Variants in TOPAZ1 observed in about 807,000 individuals in gnomAD.
The protein encoded by TOPAZ1 is protein TOPAZ1.
TOPAZ1 carries 66 observed loss-of-function variants against 172.2 expected under a neutral mutation model. The ratio of observed to expected loss-of-function variants is 0.38; its 90% CI spans 0.31 to 0.47. TOPAZ1 has a LOEUF of 0.47. TOPAZ1 is among the 20% of genes least tolerant of loss of function. The probability of loss-of-function intolerance (pLI) is 0.99; values close to 1 mark genes in which losing one functional copy is unlikely to be tolerated. For synonymous variants in TOPAZ1, 681 were observed against 683.9 expected, an observed-to-expected ratio of 1.00 and a Z score of 0.07; for missense variants, 1,822 against 1,972.4, an observed-to-expected ratio of 0.92 and a Z score of 1.44.
rs1443128909 is a variant in TOPAZ1, at chr3:44,299,868, C to T, written c.3798-4147C>T. Among the ~76,000 whole-genome samples the T allele has an allele frequency of 1.5e-4, 21 of 139,854 alleles. No homozygotes were observed. In the South Asian group the frequency reaches 3.6e-3, roughly 24 times the overall value. The allele number at this position is 139,854 out of a possible 152,430, so 91.7% of individuals were successfully genotyped here. ...ATCGCAAGAACAAAAAACCAAACAC[C>T]GCATATTCTCACTCATAGGTGGGAA... On this transcript the variant is annotated intron_variant, in intron 12 of 19. Coordinates refer to ENST00000309765, the MANE Select transcript of TOPAZ1 (RefSeq NM_001145030.2).
At chr3:44,258,575 G>A (rs541191855) in intron 4 of TOPAZ1, among the ~76,000 whole-genome samples, 29 of 151,552 alleles carry the variant, frequency 1.9e-4, no homozygotes, top group African/African-American at 6.8e-4. Flanking sequence ...TCTTCAGATT[G>A]GTTTCTTTTT....
intron 16 of TOPAZ1, among the ~76,000 whole-genome samples, 165 bp from the exon 17 acceptor site, chr3:44,320,862 A>G (rs943718309): frequency 3.3e-5 from 5 of 152,208 alleles, no homozygotes; most frequent in Admixed American, 3.3e-4. Flanking sequence ...GATCATCACT[A>G]TATAAGTTAT....
At chr3:44,290,211 A>G (rs777568755) in intron 11 of TOPAZ1, among the ~76,000 whole-genome samples, 20 of 152,322 alleles carry the variant, frequency 1.3e-4, no homozygotes, top group Non-Finnish European at 1.9e-4. Flanking sequence ...TTCTCACACT[A>G]GAAGTGTCCA....
chr3:44,245,527 T>G (rs1699553648), intron 2 of TOPAZ1, among the ~76,000 whole-genome samples: 3 of 133,876 alleles, frequency 2.2e-5, no homozygotes, highest in South Asian at 2.5e-4. Flanking sequence ...GTTCATAGAG[T>G]GGCTTTTTTT....
chr3:44,248,508 T>A (rs1353337838), intron 2 of TOPAZ1, among the ~76,000 whole-genome samples: 1 of 152,212 alleles, frequency 6.6e-6, no homozygotes, highest in Non-Finnish European at 1.5e-5. Flanking sequence ...AAATACTAGT[T>A]TTGTAGTCAT....
At chr3:44,332,992 G>GTT (rs1258235400), downstream of TOPAZ1, among the ~76,000 whole-genome samples, 3 of 149,288 alleles carry the variant, frequency 2.0e-5, no homozygotes, top group African/African-American at 7.4e-5. Flanking sequence ...TTTTTTTTGT[G>GTT]GTTTTTTTTT....
intron 2 of TOPAZ1, among the ~76,000 whole-genome samples, chr3:44,251,297 C>T (rs1161572124): frequency 2.0e-5 from 3 of 152,040 alleles, no homozygotes; most frequent in Admixed American, 6.6e-5. Context: ...ATGTTTTTCT[C>T]TTTTTGTAGA....
chr3:44,288,485 C>G (rs1352817466), intron 11 of TOPAZ1, among the ~76,000 whole-genome samples: 1 of 152,078 alleles, frequency 6.6e-6, no homozygotes, highest in Non-Finnish European at 1.5e-5. Context: ...AGTTCAAGAC[C>G]AGCCTGACCA....
intron 2 of TOPAZ1, among the ~76,000 whole-genome samples, chr3:44,249,516 A>G (rs1446266277): frequency 6.6e-6 from 1 of 152,202 alleles, no homozygotes; most frequent in Non-Finnish European, 1.5e-5. Flanking sequence ...TGATTCCATC[A>G]GGCAGAGGTA....
downstream of TOPAZ1, among the ~76,000 whole-genome samples, chr3:44,335,500 T>C (rs1700713538): frequency 6.6e-6 from 1 of 152,110 alleles, no homozygotes; most frequent in African/African-American, 2.4e-5. Context: ...GGTGCACACC[T>C]ATAATCCCAG....
At chr3:44,327,016 G>C (rs12494367) in intron 18 of TOPAZ1, among the ~76,000 whole-genome samples, 74 of 152,324 alleles carry the variant, frequency 4.9e-4, no homozygotes, top group Admixed American at 1.2e-3. Context: ...CAGTGACCTA[G>C]GGAGGTGGGA....
In TOPAZ1 at chr3:44,242,325, C is replaced by G. The variant is rs1401363614; in HGVS notation, c.272C>G (p.Pro91Arg). The G allele has an allele frequency of 5.2e-6, 8 of 1,551,966 alleles. No homozygotes were observed. In the East Asian group the frequency reaches 1.2e-4, roughly 24 times the overall value. ...GAGGGGCGCAGGGGCCCGGTGAGCC[C>G]GTCAGACTCGTCAGACCCGCGAGGC... ...QVEGRRGPVS[P>R]SDSSDPRGLE... Residue 91 changes from proline (P) to arginine (R), a missense_variant, in exon 1 of 20, where the codon CCG (proline) becomes CGG (arginine). Physicochemically the swap from Pro to Arg is moderately radical, Grantham distance 103 (BLOSUM62 -2). Around this residue, in one of 2 missense-constraint regions of TOPAZ1, gnomAD observed 1,489 missense variants for 1,490.8 expected, o/e 1.00. Transcript: ENST00000309765.
Position 44,273,952 on chromosome 3 carries a change from A to T in TOPAZ1, c.3372+3142A>T, listed in dbSNP as rs187513086. Among the ~76,000 whole-genome samples the T allele has an allele frequency of 3.4e-3, 517 of 152,314 alleles. 2 individuals are homozygous for T. The highest frequency in any genetic ancestry group is 0.01 in the Middle Eastern group (3 of 294). ...AGATTCTGTTTCAAGTGCTTTACGTATATTAACTGATTTAATCCCCATTTT... is the reference window on the plus strand; with the variant it reads ...AGATTCTGTTTCAAGTGCTTTACGTTTATTAACTGATTTAATCCCCATTTT... On this transcript the variant is annotated intron_variant, in intron 8 of 19. Coordinates refer to ENST00000309765, the MANE Select transcript of TOPAZ1 (RefSeq NM_001145030.2).
At chr3:44,268,090 C>T (rs975373961) in intron 6 of TOPAZ1, among the ~76,000 whole-genome samples, 2 of 151,376 alleles carry the variant, frequency 1.3e-5, no homozygotes, top group African/African-American at 4.9e-5. Flanking sequence ...TTTTAAATGC[C>T]CTAGTTCTCT....
At chr3:44,274,874 T>G (rs1303020390) in intron 8 of TOPAZ1, among the ~76,000 whole-genome samples, 1 of 150,888 alleles carries the variant, frequency 6.6e-6, no homozygotes. Flanking sequence ...AAGTGAGAGA[T>G]GACAGTTCTT....
intron 12 of TOPAZ1, among the ~76,000 whole-genome samples, chr3:44,298,890 A>ATGTATATATT (rs1700230409): frequency 4.0e-5 from 1 of 24,878 alleles, no homozygotes; most frequent in South Asian, 2.2e-3. Context: ...ATGTATATAT[A>ATGTATATATT]TTATATATAT....
At chr3:44,274,172 G>C (rs904703991) in intron 8 of TOPAZ1, among the ~76,000 whole-genome samples, 1 of 150,866 alleles carries the variant, frequency 6.6e-6, no homozygotes, top group Non-Finnish European at 1.5e-5. Context: ...CACTTTGGGA[G>C]GGTGAGGCAG....
chr3:44,241,946 G>A lies in TOPAZ1; in HGVS notation c.-108G>A. 2.9e-6 allele frequency: 3 copies of A among 1,022,574 alleles called. No homozygotes were observed. The highest frequency in any genetic ancestry group is 2.8e-6 in the Non-Finnish European group (2 of 713,630). The allele number at this position is 1,022,574 out of a possible 1,614,324, so 63.3% of individuals were successfully genotyped here. A position where few individuals can be genotyped will look rare whatever the true frequency, so the allele number is the denominator to read the frequency against. On this transcript the variant is annotated 5_prime_UTR_variant, in exon 1 of 20. Transcript: ENST00000309765. The stretch of plus-strand genomic sequence containing the variant: ...CCGGGCTGTGGTGACTGGCGGTGTG[G>A]GGTGGGTCAGAGGGCAGTAGGTACC...
In TOPAZ1 at chr3:44,269,471, C is replaced by CTTTTTTT. The variant is rs71085612; in HGVS notation, c.3246+195_3246+201dup. On this transcript the variant is annotated intron_variant, in intron 7 of 19. Transcript: ENST00000309765. ...CCTTTTGATTGTATTTCCCTATCATCTTTTTTTTTTTTTTTTTTTTTTTTT... is the reference window on the plus strand; with the variant it reads ...CCTTTTGATTGTATTTCCCTATCATCTTTTTTTTTTTTTTTTTTTTTTTTTTTTTTTT... Among the ~76,000 whole-genome samples, 36 of 33,934 alleles carry CTTTTTTT rather than the reference C, an allele frequency of 1.1e-3. 3 individuals are homozygous for CTTTTTTT. The highest frequency in any genetic ancestry group is 1.5e-3 in the African/African-American group (9 of 6,122). The allele number at this position is 33,934 out of a possible 152,430, so 22.3% of individuals were successfully genotyped here.
Sources: allele counts gnomAD v4.1 joint callset (sites outside exome capture counted in the v4.1 genomes callset), GRCh38; gene constraint gnomAD v4.1.1; regional missense constraint gnomAD v4.1.1; transcripts MANE v1.5; gene names NCBI Gene and HGNC (gene_info 2026-07-23, HGNC 2026-07-21).